CTBP2: variants seen among roughly 807,000 people sequenced by gnomAD.
CTBP2 encodes C-terminal binding protein 2.
Under a neutral mutation model 80.3 loss-of-function variants are expected in CTBP2, and 30 were observed. The ratio of observed to expected loss-of-function variants is 0.37; its 90% CI spans 0.28 to 0.51. The LOEUF is 0.51. Ranked by LOEUF, CTBP2 falls within the 20% of genes least tolerant of loss-of-function variation. The pLI, the probability that CTBP2 is intolerant of heterozygous loss-of-function variation, is 0.93. For synonymous variants in CTBP2, 594 were observed against 587.4 expected (o/e 1.01, Z -0.16); for missense variants, 1,212 against 1,375.3 (o/e 0.88, Z 1.88).
chr10:125,034,896 C>T (rs1007268588), intron 3 of CTBP2, among the ~76,000 whole-genome samples: 1 of 152,138 alleles, frequency 6.6e-6, no homozygotes, highest in Non-Finnish European at 1.5e-5. Flanking sequence ...GTTTGCCAGG[C>T]AAGGAGGCTG....
chr10:124,989,973 A>C (rs1430293769), intron 8 of CTBP2, among the ~76,000 whole-genome samples: 1 of 151,572 alleles, frequency 6.6e-6, no homozygotes, highest in Non-Finnish European at 1.5e-5. Context: ...CTTGAGCTCA[A>C]GTGATGCCCC....
intron 4 of CTBP2, 99 bp from the exon 7 acceptor site, chr10:124,994,782 C>G: frequency 8.4e-7 from 1 of 1,192,610 alleles, no homozygotes; most frequent in South Asian, 1.3e-5. Context: ...TTGGCATCCC[C>G]GCTGGTAGCT....
At chr10:125,093,364 T>C (rs1203867006) in intron 2 of CTBP2, among the ~76,000 whole-genome samples, 1 of 152,240 alleles carries the variant, frequency 6.6e-6, no homozygotes, top group Non-Finnish European at 1.5e-5. Flanking sequence ...TAATCCTGTG[T>C]GCTGTTCTGA....
intron 1 of CTBP2, among the ~76,000 whole-genome samples, chr10:125,024,791 C>T (rs908519798): frequency 6.6e-6 from 1 of 152,150 alleles, no homozygotes. Flanking sequence ...CACAGGCCCT[C>T]GGAAAAATTA....
At chr10:125,151,218 G>T (rs1488216096) in intron 1 of CTBP2, among the ~76,000 whole-genome samples, 1 of 152,172 alleles carries the variant, frequency 6.6e-6, no homozygotes, top group East Asian at 1.9e-4. Context: ...CCTCCATGGA[G>T]AAGACGAGGG....
intron 2 of CTBP2, among the ~76,000 whole-genome samples, chr10:125,051,612 C>T (rs538360895): frequency 6.6e-6 from 1 of 151,894 alleles, no homozygotes; most frequent in East Asian, 1.9e-4. Context: ...TGCACACTAG[C>T]CTGGGCAACA....
intron 2 of CTBP2, among the ~76,000 whole-genome samples, chr10:125,093,036 A>G (rs558555986): frequency 1.3e-5 from 2 of 152,256 alleles, no homozygotes; most frequent in East Asian, 3.9e-4. Context: ...CTCAGTGCCC[A>G]GCGACTCCAG....
In CTBP2 at chr10:124,993,761, C is replaced by T. The variant is rs890144223; in HGVS notation, c.2531+94G>A. 6.2e-5 allele frequency: 89 copies of T among 1,442,022 alleles called. No individual in the cohort carries two copies. In the South Asian group the frequency reaches 1.2e-3, roughly 19 times the overall value. The allele number at this position is 1,442,022 out of a possible 1,614,324, so 89.3% of individuals were successfully genotyped here. A position where few individuals can be genotyped will look rare whatever the true frequency, so the allele number is the denominator to read the frequency against. ...TCTCTGGAGTTTCCTGCCCAGGGAC[C>T]TGTTTGGGAAAAGGGCCTCGAGTTC... On this transcript the variant is annotated intron_variant, in intron 6 of 8. Coordinates refer to ENST00000309035, the MANE Select transcript of CTBP2 (RefSeq NM_022802.3).
intron 2 of CTBP2, among the ~76,000 whole-genome samples, chr10:125,052,646 G>A (rs1237741884): frequency 1.3e-5 from 2 of 152,194 alleles, no homozygotes; most frequent in African/African-American, 4.8e-5. Context: ...GAACGCCCTT[G>A]GGGTCCAGCA....
At chr10:125,019,239 C>G (rs1025889042) in intron 1 of CTBP2, among the ~76,000 whole-genome samples, 1 of 152,166 alleles carries the variant, frequency 6.6e-6, no homozygotes, top group African/African-American at 2.4e-5. Context: ...AAACACACAC[C>G]TGACAACTGC....
chr10:125,097,410 A>C (rs374555993), intron 2 of CTBP2, among the ~76,000 whole-genome samples: 18 of 152,268 alleles, frequency 1.2e-4, no homozygotes, highest in African/African-American at 4.1e-4. Context: ...TTCTATCAAC[A>C]CTGCAGGGAA....
intron 2 of CTBP2, among the ~76,000 whole-genome samples, chr10:125,063,942 CA>C (rs1481336124): frequency 6.6e-6 from 1 of 152,166 alleles, no homozygotes; most frequent in African/African-American, 2.4e-5. Flanking sequence ...TGCCACCTTC[CA>C]GGGGTGCTCT....
intron 2 of CTBP2, among the ~76,000 whole-genome samples, chr10:125,065,493 A>G (rs2919288): frequency 0.16 from 24,471 of 152,160 alleles, 2,769 homozygotes; most frequent in African/African-American, 0.31. Flanking sequence ...GAGGTGGCGA[A>G]GGGAAGAGGC....
chr10:125,052,072 C>A lies in CTBP2; in HGVS notation c.-101-12917G>T, dbSNP rs372664150. ...TGTCTGTGGAACCTTCTTTCAGCAA[C>A]CCGAGCACGCCAACACATGCCAACA... On this transcript the variant is annotated intron_variant, in intron 2 of 10. Transcript: ENST00000337195. 9.8e-5 allele frequency among the ~76,000 whole-genome samples: 15 copies of A among 152,326 alleles called. No homozygotes were observed. The East Asian group carries it at 2.5e-3, about 25-fold the overall frequency.
intron 1 of CTBP2, among the ~76,000 whole-genome samples, chr10:125,012,187 T>A (rs1956002799): frequency 6.6e-6 from 1 of 152,182 alleles, no homozygotes; most frequent in South Asian, 2.1e-4. Context: ...ATTTCCCCAG[T>A]GGCCCAGCCT....
In CTBP2 at chr10:125,112,652, C is replaced by T. The variant is rs1448192654; in HGVS notation, c.-205-1559G>A. Among the ~76,000 whole-genome samples, 2 of 151,676 alleles carry T rather than the reference C, an allele frequency of 1.3e-5. 1 individual carries two copies. The highest frequency in any genetic ancestry group is 4.2e-4 in the South Asian group (2 of 4,796). On this transcript the variant is annotated intron_variant, in intron 1 of 10. Transcript: ENST00000337195. Reference sequence around the variant, plus strand: ...CCATGTTGGTCAGGCTGGTATCAAACTCCTGACCTTCTGATCTGTCTGCCT... The same window carrying T: ...CCATGTTGGTCAGGCTGGTATCAAATTCCTGACCTTCTGATCTGTCTGCCT...
At chr10:125,050,962 G>A (rs1962602021) in intron 2 of CTBP2, among the ~76,000 whole-genome samples, 1 of 152,218 alleles carries the variant, frequency 6.6e-6, no homozygotes, top group East Asian at 1.9e-4. Flanking sequence ...GAGGGTGGAT[G>A]GTGCCCATGA....
chr10:125,109,387 C>T (rs562469305), intron 2 of CTBP2, among the ~76,000 whole-genome samples: 1 of 152,216 alleles, frequency 6.6e-6, no homozygotes, highest in Non-Finnish European at 1.5e-5. Context: ...CAGCACCCAA[C>T]ACTGGAACTA....
At chr10:125,058,294 T>C (rs746612920) in intron 2 of CTBP2, among the ~76,000 whole-genome samples, 8 of 152,096 alleles carry the variant, frequency 5.3e-5, no homozygotes, top group Non-Finnish European at 7.3e-5. Context: ...TTAAAAGTTC[T>C]TCACGTGATA....
Sources: allele counts gnomAD v4.1 joint callset (sites outside exome capture counted in the v4.1 genomes callset), GRCh38; gene constraint gnomAD v4.1.1; transcripts MANE v1.5; gene names NCBI Gene and HGNC (gene_info 2026-07-23, HGNC 2026-07-21).